The following TOGARAM2 variants were observed in gnomAD, a reference collection of about 807,000 sequenced individuals.
TOGARAM2 encodes the protein TOG array regulator of axonemal microtubules protein 2.
TOGARAM2 carries 85 observed loss-of-function variants against 93.3 expected under a neutral mutation model. That is an observed-to-expected ratio of 0.91 (90% CI 0.76 to 1.09). TOGARAM2 has a LOEUF of 1.09. TOGARAM2 is among the 50% of genes least tolerant of loss of function. The pLI is 0.00. For missense variants in TOGARAM2, 1,277 were observed against 1,334.5 expected, an observed-to-expected ratio of 0.96 and a Z score of 0.67; for synonymous variants, 593 against 552.8, an observed-to-expected ratio of 1.07 and a Z score of -1.02.
intron 1 of TOGARAM2, among the ~76,000 whole-genome samples, chr2:28,963,043 G>A (rs1487676089): frequency 6.6e-6 from 1 of 151,826 alleles, no homozygotes; most frequent in African/African-American, 2.4e-5. Context: ...GCCCAGGCTA[G>A]TCTTGAACTC....
At chr2:29,029,184 A>G (rs1665590933) in intron 14 of TOGARAM2, among the ~76,000 whole-genome samples, 1 of 152,232 alleles carries the variant, frequency 6.6e-6, no homozygotes, top group African/African-American at 2.4e-5. Context: ...AGCTGCAAAA[A>G]TGCGAAAACA....
At position 29,022,095 on chromosome 2, in the gene TOGARAM2, G is replaced by A. The variant is rs957521822; in HGVS notation, c.1361-63G>A. On this transcript the variant is annotated intron_variant, in intron 10 of 19. Coordinates refer to ENST00000379558, the MANE Select transcript of TOGARAM2 (RefSeq NM_199280.4). ...TCCCATGGTGAGCGGTGGCAGGAGC[G>A]GCCACTCGGGCTCTTGCCTGTCCTG... 17 of 1,603,314 alleles carry A rather than the reference G, an allele frequency of 1.1e-5. No homozygotes were observed. The African/African-American group carries it at 1.2e-4, about 11-fold the overall frequency.
intron 1 of TOGARAM2, among the ~76,000 whole-genome samples, chr2:28,992,659 G>A (rs1003180220): frequency 6.6e-6 from 1 of 152,166 alleles, no homozygotes; most frequent in Non-Finnish European, 1.5e-5. Flanking sequence ...AACTGAAGCA[G>A]CAATGACCAT....
At chr2:28,973,402 T>TC (rs58010604) in intron 1 of TOGARAM2, among the ~76,000 whole-genome samples, 66,547 of 102,262 alleles carry the variant, frequency 0.65, 20,447 homozygotes, top group South Asian at 0.7. Flanking sequence ...CTCCCTTCCT[T>TC]CCTTCCTCCT....
intron 16 of TOGARAM2, among the ~76,000 whole-genome samples, chr2:29,033,992 G>T (rs561142668): frequency 2.6e-5 from 4 of 152,258 alleles, no homozygotes; most frequent in African/African-American, 9.6e-5. Flanking sequence ...AGGAGGGGGT[G>T]TGGGGTTGCT....
rs773324926 is a variant in TOGARAM2, at chr2:28,999,192, C to T, written c.151C>T (p.Pro51Ser). ...SLPHGEGSLQ[P>S]EPRALLNNEE... is the part of the protein sequence containing the mutation. The stretch of plus-strand genomic sequence containing the variant: ...TCTGTCCCCCTCAGGTTCTCTCCAG[C>T]CTGAGCCAAGAGCCCTGCTGAACAA... The change falls in exon 4 of 20, where the codon CCT (proline) becomes TCT (serine). Residue 51 changes from proline (P) to serine (S), a missense_variant. Pro to Ser is a moderately conservative substitution (Grantham distance 74). Coordinates refer to ENST00000379558, the MANE Select transcript of TOGARAM2 (RefSeq NM_199280.4). The T allele has an allele frequency of 1.2e-5, 19 of 1,612,296 alleles. No homozygotes were observed. Among genetic ancestry groups the T allele is most frequent in the Non-Finnish European group, 1.6e-5 (19 of 1,178,960 alleles).
At chr2:29,011,009 C>G (rs1426393549) in intron 6 of TOGARAM2, among the ~76,000 whole-genome samples, 1 of 152,044 alleles carries the variant, frequency 6.6e-6, no homozygotes, top group Non-Finnish European at 1.5e-5. Flanking sequence ...ACGAGTGGGA[C>G]TATTTAGGGG....
intron 8 of TOGARAM2, among the ~76,000 whole-genome samples, chr2:29,015,423 TA>T (rs1280596818): frequency 6.6e-6 from 1 of 152,218 alleles, no homozygotes; most frequent in Non-Finnish European, 1.5e-5. Context: ...TCAATCCAGC[TA>T]ATCCTTCAGT....
In TOGARAM2 at chr2:28,998,070, G is replaced by C; in HGVS notation, c.29-73G>C. 4.8e-6 allele frequency: 5 copies of C among 1,050,578 alleles called. 1 individual carries two copies. In the East Asian group the frequency reaches 1.1e-4, roughly 23 times the overall value. The allele number at this position is 1,050,578 out of a possible 1,614,324, so 65.1% of individuals were successfully genotyped here. ...GTGGAGTGCTCAGGGTTACGGCCGG[G>C]TGTTCTTGGTTTGCTCCCAGTCTTG... On this transcript the variant is annotated intron_variant, in intron 2 of 19. Transcript: ENST00000379558.
upstream of TOGARAM2, among the ~76,000 whole-genome samples, chr2:28,979,767 GGCC>G (rs1331235542): frequency 6.6e-6 from 1 of 152,206 alleles, no homozygotes; most frequent in Non-Finnish European, 1.5e-5. Flanking sequence ...TGCTAAGTCT[GGCC>G]CTTACACCAA....
chr2:29,017,600 G>C (rs72788138), intron 9 of TOGARAM2, among the ~76,000 whole-genome samples, 192 bp from the exon 10 acceptor site: 10,622 of 152,100 alleles, frequency 0.07, 414 homozygotes, highest in African/African-American at 0.097. Flanking sequence ...TGTAGAGATG[G>C]GCATCTCCCT....
At chr2:29,002,790 G>A (rs1042288304) in intron 5 of TOGARAM2, 43 bp downstream of exon 5, 17 of 1,562,692 alleles carry the variant, frequency 1.1e-5, no homozygotes, top group African/African-American at 4.1e-5. Flanking sequence ...TCAGCTTCTT[G>A]CCCTCCCTTC....
chr2:29,049,860 G>A (rs1472565025), intron 19 of TOGARAM2: 1 of 152,198 alleles, frequency 6.6e-6, no homozygotes, highest in African/African-American at 2.4e-5. Flanking sequence ...AGAGCCCCAA[G>A]GGTGCAGCCT....
Position 29,034,282 on chromosome 2 carries a change from C to A in TOGARAM2, c.2225+719C>A, listed in dbSNP as rs117342512. Among the ~76,000 whole-genome samples, 1,044 of 152,328 alleles carry A rather than the reference C, an allele frequency of 6.9e-3. 65 individuals are homozygous for A. The East Asian group carries it at 0.16, about 24-fold the overall frequency. On this transcript the variant is annotated intron_variant, in intron 16 of 19. Transcript: ENST00000379558. ...GCTGTGCCTTTGCTTATCCTAGACA[C>A]CATCTGCACCTAGAACATGTCTATT...
At chr2:29,025,414 C>T (rs1043258039) in intron 13 of TOGARAM2, among the ~76,000 whole-genome samples, 2 of 151,752 alleles carry the variant, frequency 1.3e-5, no homozygotes, top group Non-Finnish European at 2.9e-5. Flanking sequence ...CTGGATGCCT[C>T]CCTTTGGCTC....
chr2:28,976,400 C>G (rs1342357869), upstream of TOGARAM2, among the ~76,000 whole-genome samples: 1 of 152,018 alleles, frequency 6.6e-6, no homozygotes, highest in African/African-American at 2.4e-5. Context: ...ACAACAAAAA[C>G]CCATCAAATT....
intron 1 of TOGARAM2, among the ~76,000 whole-genome samples, chr2:28,959,585 C>T (rs530554059): frequency 6.6e-6 from 1 of 152,196 alleles, no homozygotes; most frequent in African/African-American, 2.4e-5. Flanking sequence ...AACCCCATCT[C>T]TACTAAAAAT....
chr2:28,967,544 G>A (rs896962541), intron 1 of TOGARAM2, among the ~76,000 whole-genome samples: 3 of 152,132 alleles, frequency 2.0e-5, no homozygotes, highest in Non-Finnish European at 2.9e-5. Flanking sequence ...AGAAATTAAA[G>A]CTCTGGAACT....
At position 29,002,600 on chromosome 2, in the gene TOGARAM2, C is replaced by T. The variant is rs763112798; in HGVS notation, c.492C>T (p.Thr164=). The T allele has an allele frequency of 6.2e-7, 1 of 1,614,052 alleles. No individual in the cohort carries two copies. Among genetic ancestry groups the T allele is most frequent in the South Asian group, 1.1e-5 (1 of 91,080 alleles). Residue 164 remains threonine, a synonymous_variant, in exon 5 of 20, where the codon ACC becomes ACT. Coordinates refer to ENST00000379558, the MANE Select transcript of TOGARAM2 (RefSeq NM_199280.4). ...TGCACAGCACCATCCCCCGAGCCAC[C>T]TCTCAGAGGCTGCTGAGGGTGCCCA... ...VPLHSTIPRA[T]SQRLLRVPRP...
Sources: allele counts gnomAD v4.1 joint callset (sites outside exome capture counted in the v4.1 genomes callset), GRCh38; gene constraint gnomAD v4.1.1; transcripts MANE v1.5; gene names NCBI Gene and HGNC (gene_info 2026-07-23, HGNC 2026-07-21).